NHLRC3: variants seen among roughly 807,000 people sequenced by gnomAD.
The protein encoded by NHLRC3 is NHL repeat-containing protein 3.
In NHLRC3, 23 loss-of-function variants were observed where a neutral mutation model predicts 32.0. The observed-to-expected ratio is 0.72, with a 90% CI of 0.52 to 1.02. The LOEUF is 1.02. Among genes scored for constraint, NHLRC3 ranks in the 50% least tolerant of loss-of-function variants. The probability of loss-of-function intolerance (pLI) is 0.00; values close to 1 mark genes in which losing one functional copy is unlikely to be tolerated. For missense variants in NHLRC3, 407 were observed against 406.8 expected, an observed-to-expected ratio of 1.00 and a Z score of -0.01; for synonymous variants, 159 against 147.9, an observed-to-expected ratio of 1.08 and a Z score of -0.55.
chr13:39,044,008 C>T, intron 4 of NHLRC3, 82 bp from the exon 5 acceptor site: 1 of 994,772 alleles, frequency 1.0e-6, no homozygotes, highest in Non-Finnish European at 1.6e-6. Context: ...TTAAATAGTT[C>T]TTTGTAACCT....
rs370553701 is a variant in NHLRC3, at chr13:39,044,229, T to TTGTG, written c.678+84_678+87dup. ...TCTGGGACTTTGTGTCTGAATATGT[T>TTGTG]TGTGTGTGTGTGTGTGTGTGTGTGT... On this transcript the variant is annotated intron_variant, in intron 5 of 6. Coordinates refer to ENST00000379600, the MANE Select transcript of NHLRC3 (RefSeq NM_001012754.4). 2,978 of 858,200 alleles carry TTGTG rather than the reference T, an allele frequency of 3.5e-3. 6 individuals are homozygous for TTGTG. Among genetic ancestry groups the TTGTG allele is most frequent in the African/African-American group, 0.013 (638 of 50,456 alleles). The allele number at this position is 858,200 out of a possible 1,614,324, so 53.2% of individuals were successfully genotyped here.
rs1263312788 is a variant in NHLRC3, at chr13:39,049,767, T to G, written c.*1841T>G. The G allele has an allele frequency of 1.3e-4, 20 of 152,128 alleles. No homozygotes were observed. Among genetic ancestry groups the G allele is most frequent in the Admixed American group, 1.3e-3 (20 of 15,278 alleles). The allele number at this position is 152,128 out of a possible 1,614,324, so 9.4% of individuals were successfully genotyped here. The stretch of plus-strand genomic sequence containing the variant: ...AAACTGATTTTGAAATTTCAAAATG[T>G]TTTATTTTACTTTGTTTTATTAAGC... On this transcript the variant is annotated 3_prime_UTR_variant, in exon 7 of 7. Coordinates refer to ENST00000379600, the MANE Select transcript of NHLRC3 (RefSeq NM_001012754.4).
chr13:39,038,647 G>T lies in NHLRC3; in HGVS notation c.8G>T (p.Arg3Ile). The change falls in exon 1 of 7, where the codon AGA becomes ATA. Residue 3 changes from arginine to isoleucine, a missense_variant. Transcript: ENST00000379600. ...CTGGCTTCCCGTCTGGTCATGGCGA[G>T]ATTCTGGGTCTGCGTAGCCGGTGCT... MA[R>I]FWVCVAGAGF... 1 of 1,614,224 alleles carries T rather than the reference G, an allele frequency of 6.2e-7. No homozygotes were observed. Among genetic ancestry groups the T allele is most frequent in the Non-Finnish European group, 8.5e-7 (1 of 1,180,032 alleles).
chr13:39,039,663 G>T lies in NHLRC3; in HGVS notation c.337G>T (p.Ala113Ser), dbSNP rs769563968. Residue 113 changes from alanine (A) to serine (S), a missense_variant, in exon 3 of 7, where the codon GCC becomes TCC. Transcript: ENST00000379600. ...TVDTPHGIFA[A>S]STLYEQSVWI... ...TGACACACCTCATGGTATATTTGCA[G>T]CCAGTACTCTATATGAACAATCCGT... 6.2e-7 allele frequency: 1 copy of T among 1,613,014 alleles called. No homozygotes were observed. The highest frequency in any genetic ancestry group is 8.5e-7 in the Non-Finnish European group (1 of 1,179,032).
chr13:39,044,081 C>T lies in NHLRC3; in HGVS notation c.587-9C>T, dbSNP rs184319981. ...TGTTGCTCTGACTATATATTTTTACCGTTTATAGATTTCATGATCCTTTGG... is the reference window on the plus strand; with the variant it reads ...TGTTGCTCTGACTATATATTTTTACTGTTTATAGATTTCATGATCCTTTGG... On this transcript the variant is annotated splice_polypyrimidine_tract_variant and intron_variant, in intron 4 of 6. Coordinates refer to ENST00000379600, the MANE Select transcript of NHLRC3 (RefSeq NM_001012754.4). 4.9e-4 allele frequency: 783 copies of T among 1,595,710 alleles called. 1 individual carries two copies. The highest frequency in any genetic ancestry group is 2.1e-3 in the Admixed American group (126 of 59,956).
At chr13:39,042,978 T>A (rs1384304165) in intron 4 of NHLRC3, among the ~76,000 whole-genome samples, 1 of 152,186 alleles carries the variant, frequency 6.6e-6, no homozygotes, top group African/African-American at 2.4e-5. Flanking sequence ...CAATTTGGGA[T>A]GTTTCTGAAG....
rs1321570107 is a variant in NHLRC3, at chr13:39,042,292, C to G, written c.573C>G (p.Ile191Met). The G allele has an allele frequency of 6.3e-7, 1 of 1,578,528 alleles. No homozygotes were observed. The highest frequency in any genetic ancestry group is 1.3e-5 in the African/African-American group (1 of 74,186). The change falls in exon 4 of 7, where the codon ATC becomes ATG. Residue 191 changes from isoleucine (I) to methionine (M), a missense_variant. By Grantham distance (10) the Ile-to-Met change is conservative (BLOSUM62 1). Transcript: ENST00000379600. ...DGDGGLNNRL[I>M]KLSQDFMILW... is the part of the protein sequence containing the mutation. Reference sequence around the variant, plus strand: ...ATGGAGGATTGAATAACAGATTGATCAAACTGTCCCAAGGTACATTACTTG... The same window carrying G: ...ATGGAGGATTGAATAACAGATTGATGAAACTGTCCCAAGGTACATTACTTG...
intron 1 of NHLRC3, 98 bp from the exon 2 acceptor site, chr13:39,039,038 G>T (rs996656221): frequency 6.8e-5 from 65 of 957,860 alleles, no homozygotes; most frequent in Non-Finnish European, 3.7e-5. Context: ...AGTTGTCAAG[G>T]CATGCTTAAA....
Position 39,039,191 on chromosome 13 carries a change from G to A in NHLRC3, c.140G>A (p.Arg47Gln). ...TGGAGAACTGAGAAAATTCTTTACC[G>A]GCTGGATGTGGGTTGGCCTAAGCAC... ...VSWRTEKILY[R>Q]LDVGWPKHPE... Residue 47 changes from arginine (R) to glutamine (Q), a missense_variant, in exon 2 of 7, where the codon CGG becomes CAG. Transcript: ENST00000379600. 1 of 1,613,566 alleles carries A rather than the reference G, an allele frequency of 6.2e-7. No homozygotes were observed. Among genetic ancestry groups the A allele is most frequent in the Admixed American group, 1.7e-5 (1 of 59,976 alleles).
chr13:39,039,484 G>A, intron 2 of NHLRC3, 80 bp from the exon 3 acceptor site: 1 of 1,328,812 alleles, frequency 7.5e-7, no homozygotes, highest in Non-Finnish European at 1.0e-6. Flanking sequence ...AAAATTCTCA[G>A]TTATTTTTTT....
In NHLRC3 at chr13:39,039,621, G is replaced by A; in HGVS notation, c.295G>A (p.Ala99Thr). 4.3e-6 allele frequency: 7 copies of A among 1,610,912 alleles called. No individual in the cohort carries two copies. The highest frequency in any genetic ancestry group is 2.7e-5 in the African/African-American group (2 of 74,952). ...CACAGAGGATGGATATTTCCTACGA[G>A]CCTGGAATTATACAGTTGACACACC... ...VFTEDGYFLRAWNYTVDTPHG... is the reference protein window; with the variant it reads ...VFTEDGYFLRTWNYTVDTPHG... The change falls in exon 3 of 7, where the codon GCC becomes ACC. Residue 99 changes from alanine to threonine, a missense_variant. Ala to Thr is a moderately conservative substitution (Grantham distance 58). Coordinates refer to ENST00000379600, the MANE Select transcript of NHLRC3 (RefSeq NM_001012754.4).
intron 5 of NHLRC3, among the ~76,000 whole-genome samples, chr13:39,045,151 ATAAT>A (rs956446810): frequency 1.3e-5 from 2 of 152,240 alleles, no homozygotes; most frequent in Non-Finnish European, 1.5e-5. Flanking sequence ...CTTCCTAATC[ATAAT>A]TGATTGACAA....
In NHLRC3 at chr13:39,048,164, A is replaced by T. The variant is rs1871762874; in HGVS notation, c.*238A>T. The T allele has an allele frequency of 3.4e-5, 13 of 379,094 alleles. No homozygotes were observed. In the South Asian group the frequency reaches 5.0e-4, roughly 15 times the overall value. The allele number at this position is 379,094 out of a possible 1,614,324, so 23.5% of individuals were successfully genotyped here. On this transcript the variant is annotated 3_prime_UTR_variant, in exon 7 of 7. Coordinates refer to ENST00000379600, the MANE Select transcript of NHLRC3 (RefSeq NM_001012754.4). ...AAAGTAACTAAAAAATGGGGTTGGG[A>T]AGAGGGACTAAGGTGGTAACCTCAT...
chr13:39,047,661 T>C lies in NHLRC3; in HGVS notation c.792-13T>C. The C allele has an allele frequency of 2.5e-6, 4 of 1,602,940 alleles. No homozygotes were observed. The highest frequency in any genetic ancestry group is 3.4e-6 in the Non-Finnish European group (4 of 1,171,520). On this transcript the variant is annotated splice_polypyrimidine_tract_variant and intron_variant, in intron 6 of 6. Transcript: ENST00000379600. ...TCACAGACATTTATTATGTTAAATG[T>C]CTTTCTCCTTAGGTTTACTCCTGAT...
chr13:39,046,074 A>G (rs1309196244), intron 5 of NHLRC3, among the ~76,000 whole-genome samples: 1 of 152,292 alleles, frequency 6.6e-6, no homozygotes, highest in South Asian at 2.1e-4. Flanking sequence ...TCACGCTTGT[A>G]ATCCCAGCAC....
rs1871755447 is a variant in NHLRC3, at chr13:39,047,978, A to G, written c.*52A>G. 2.1e-6 allele frequency: 3 copies of G among 1,426,952 alleles called. No individual in the cohort carries two copies. The African/African-American group carries it at 4.2e-5, about 20-fold the overall frequency. 88.4% of individuals were successfully genotyped at this position (1,426,952 alleles called of 1,614,324 possible). On this transcript the variant is annotated 3_prime_UTR_variant, in exon 7 of 7. Transcript: ENST00000379600. ...TGGCAGTTCAGATTCTCAATTCACT[A>G]AGTGCTTAAAAATGATGTTCAAGCA...
At chr13:39,047,612 G>A (rs1421711162) in intron 6 of NHLRC3, 62 bp from the exon 7 acceptor site, 15 of 1,438,826 alleles carry the variant, frequency 1.0e-5, no homozygotes, top group Admixed American at 5.6e-5. Flanking sequence ...TTAAAATGTT[G>A]AAAAAAAATA....
chr13:39,044,229 T>TTGTGGG (rs397951843), intron 5 of NHLRC3, 48 bp downstream of exon 5: 22,343 of 855,592 alleles, frequency 0.026, 1,063 homozygotes, highest in African/African-American at 0.17. Flanking sequence ...CTGAATATGT[T>TTGTGGG]TGTGTGTGTG....
Position 39,039,552 on chromosome 13 carries a change from G to A in NHLRC3, c.238-12G>A. The A allele has an allele frequency of 6.3e-7, 1 of 1,597,018 alleles. No individual in the cohort carries two copies. The highest frequency in any genetic ancestry group is 8.6e-7 in the Non-Finnish European group (1 of 1,167,828). On this transcript the variant is annotated splice_polypyrimidine_tract_variant and intron_variant, in intron 2 of 6. Transcript: ENST00000379600. ...AGCTGATCCTAAGAAGTTATTTTTT[G>A]TATACCTTCAGAGAGGGGATAACAT...
Sources: allele counts gnomAD v4.1 joint callset (sites outside exome capture counted in the v4.1 genomes callset), GRCh38; gene constraint gnomAD v4.1.1; transcripts MANE v1.5; gene names NCBI Gene and HGNC (gene_info 2026-07-23, HGNC 2026-07-21).